FBXL17: variants seen among roughly 807,000 people sequenced by gnomAD.
The protein encoded by FBXL17 is F-box/LRR-repeat protein 17.
In FBXL17, 22 loss-of-function variants were observed where a neutral mutation model predicts 66.2. The ratio of observed to expected loss-of-function variants is 0.33; its 90% CI spans 0.24 to 0.47. The LOEUF (loss-of-function observed/expected upper bound fraction) is 0.47. Among genes scored for constraint, FBXL17 ranks in the 20% least tolerant of loss-of-function variants. The pLI, the probability that FBXL17 is intolerant of heterozygous loss-of-function variation, is 1.00. For missense variants in FBXL17, 878 were observed against 948.2 expected (o/e 0.93, Z 0.97); for synonymous variants, 474 against 400.5 (o/e 1.18, Z -2.19).
intron 4 of FBXL17, among the ~76,000 whole-genome samples, chr5:108,244,288 T>C (rs997645117): frequency 6.6e-6 from 1 of 152,156 alleles, no homozygotes; most frequent in African/African-American, 2.4e-5. Flanking sequence ...CTTATATTAA[T>C]TTAAAATCAG....
intron 7 of FBXL17, among the ~76,000 whole-genome samples, chr5:107,963,722 A>C (rs1752009708): frequency 6.6e-6 from 1 of 152,150 alleles, no homozygotes; most frequent in Non-Finnish European, 1.5e-5. Flanking sequence ...ATTTACTATA[A>C]AATACAATAA....
chr5:108,274,944 G>A (rs1223935078), intron 4 of FBXL17, among the ~76,000 whole-genome samples: 2 of 152,100 alleles, frequency 1.3e-5, no homozygotes, highest in Non-Finnish European at 1.5e-5. Context: ...ATACATATAA[G>A]GAAACTGGAG....
intron 6 of FBXL17, among the ~76,000 whole-genome samples, chr5:108,075,262 G>A (rs1203270516): frequency 6.6e-6 from 1 of 152,072 alleles, no homozygotes; most frequent in African/African-American, 2.4e-5. Context: ...AAAACCCTAT[G>A]GTAAATTCCT....
At chr5:108,162,350 C>T (rs1752247444) in intron 6 of FBXL17, among the ~76,000 whole-genome samples, 1 of 151,632 alleles carries the variant, frequency 6.6e-6, no homozygotes, top group South Asian at 2.1e-4. Context: ...ATTAGCTAAG[C>T]GTGGTGGTGG....
At chr5:107,920,245 C>G (rs778948386) in intron 7 of FBXL17, among the ~76,000 whole-genome samples, 1 of 152,126 alleles carries the variant, frequency 6.6e-6, no homozygotes, top group Non-Finnish European at 1.5e-5. Context: ...GCTGTTGTCA[C>G]CTGGGCTGGA....
intron 4 of FBXL17, among the ~76,000 whole-genome samples, chr5:108,250,430 T>C (rs956336069): frequency 2.0e-5 from 3 of 152,174 alleles, no homozygotes; most frequent in Non-Finnish European, 4.4e-5. Context: ...TAAATAATTA[T>C]TAATAATGGC....
At chr5:108,122,904 G>A (rs895933789) in intron 6 of FBXL17, among the ~76,000 whole-genome samples, 3 of 151,884 alleles carry the variant, frequency 2.0e-5, no homozygotes, top group South Asian at 2.1e-4. Context: ...CAGTGCTATC[G>A]CACTCATTAG....
At chr5:108,323,581 A>AG (rs1167211405) in intron 4 of FBXL17, among the ~76,000 whole-genome samples, 3 of 151,952 alleles carry the variant, frequency 2.0e-5, no homozygotes, top group Non-Finnish European at 2.9e-5. Flanking sequence ...CATTTTTTGC[A>AG]GAAAAAGAAA....
intron 6 of FBXL17, among the ~76,000 whole-genome samples, chr5:108,172,428 T>C (rs1199307453): frequency 6.6e-6 from 1 of 152,234 alleles, no homozygotes; most frequent in Non-Finnish European, 1.5e-5. Flanking sequence ...AACGTCATAT[T>C]GCACAAAAGA....
chr5:108,091,846 T>C (rs1749198350), intron 6 of FBXL17, among the ~76,000 whole-genome samples: 1 of 152,232 alleles, frequency 6.6e-6, no homozygotes, highest in Non-Finnish European at 1.5e-5. Flanking sequence ...AGAATTCTTC[T>C]AAATTTTTAA....
intron 6 of FBXL17, among the ~76,000 whole-genome samples, chr5:108,113,041 G>A (rs957645964): frequency 3.3e-5 from 5 of 151,936 alleles, no homozygotes; most frequent in Admixed American, 3.3e-4. Context: ...TCCTAAAATT[G>A]CCTAGCATAC....
intron 7 of FBXL17, among the ~76,000 whole-genome samples, chr5:107,888,282 A>C (rs1749041572): frequency 6.6e-6 from 1 of 152,224 alleles, no homozygotes. Flanking sequence ...AAATCCTTGA[A>C]GCAGTGAATA....
At chr5:108,165,376 T>C (rs1469834232) in intron 6 of FBXL17, among the ~76,000 whole-genome samples, 1 of 152,204 alleles carries the variant, frequency 6.6e-6, no homozygotes, top group Admixed American at 6.5e-5. Flanking sequence ...GGATTTTAAG[T>C]AGTCTTTTCT....
chr5:107,987,179 T>C (rs932667446), intron 7 of FBXL17, among the ~76,000 whole-genome samples: 1 of 152,056 alleles, frequency 6.6e-6, no homozygotes, highest in Non-Finnish European at 1.5e-5. Context: ...ATCTTTTCTG[T>C]ACAGTCCTTT....
chr5:108,223,189 A>C (rs1443276505), intron 5 of FBXL17, among the ~76,000 whole-genome samples: 1 of 152,164 alleles, frequency 6.6e-6, no homozygotes, highest in Non-Finnish European at 1.5e-5. Flanking sequence ...GGTAACTCAT[A>C]AACATTTGCT....
Position 108,033,111 on chromosome 5 carries a change from T to C in FBXL17, c.1746-12110A>G, listed in dbSNP as rs148813594. 2.5e-3 allele frequency among the ~76,000 whole-genome samples: 377 copies of C among 152,310 alleles called. 4 individuals are homozygous for C. Among genetic ancestry groups the C allele is most frequent in the South Asian group, 0.014 (68 of 4,824 alleles). ...TAATGGAAAATTTCAAGTGAAAAAG[T>C]TGACAGAATTGTGTAGTAAAAAACC... is the stretch of plus-strand genomic sequence containing the variant. On this transcript the variant is annotated intron_variant, in intron 6 of 8. Transcript: ENST00000542267.
chr5:107,882,351 C>T (rs866937888), intron 7 of FBXL17, among the ~76,000 whole-genome samples: 7 of 133,322 alleles, frequency 5.3e-5, no homozygotes, highest in African/African-American at 2.1e-4. Flanking sequence ...CTAATTACCT[C>T]AGTATTTTTT....
intron 6 of FBXL17, among the ~76,000 whole-genome samples, chr5:108,076,097 G>C (rs572103616): frequency 2.1e-4 from 32 of 152,326 alleles, no homozygotes; most frequent in African/African-American, 7.7e-4. Context: ...TGTTTAGTGA[G>C]ACAGGTTTAT....
intron 5 of FBXL17, among the ~76,000 whole-genome samples, chr5:108,196,990 T>C (rs1325365384): frequency 6.6e-6 from 1 of 152,292 alleles, no homozygotes; most frequent in South Asian, 2.1e-4. Context: ...AAATGTGAAT[T>C]TGTTAATTGG....
Sources: allele counts gnomAD v4.1 joint callset (sites outside exome capture counted in the v4.1 genomes callset), GRCh38; gene constraint gnomAD v4.1.1; transcripts MANE v1.5; gene names NCBI Gene and HGNC (gene_info 2026-07-23, HGNC 2026-07-21).